DNAH8: variants seen among roughly 807,000 people sequenced by gnomAD.
The protein encoded by DNAH8 is dynein axonemal heavy chain 8, also known as axonemal beta dynein heavy chain 8.
In DNAH8, 382 loss-of-function variants were observed where a neutral mutation model predicts 562.1. The observed-to-expected ratio is 0.68, with a 90% confidence interval of 0.63 to 0.74. The LOEUF (loss-of-function observed/expected upper bound fraction) is 0.74, where lower values mean the gene tolerates loss of function less well. DNAH8 is among the 30% of genes least tolerant of loss of function. The pLI is 0.00. For synonymous variants in DNAH8, 1,881 were observed against 1,919.4 expected (o/e 0.98, Z 0.52); for missense variants, 5,203 against 5,620.4 (o/e 0.93, Z 2.37).
Position 38,826,221 on chromosome 6 carries a change from A to G in DNAH8, c.3913A>G (p.Asn1305Asp), listed in dbSNP as rs754563016. 28 of 1,613,596 alleles carry G rather than the reference A, an allele frequency of 1.7e-5. No individual in the cohort carries two copies. The Admixed American group carries it at 4.7e-4, about 27-fold the overall frequency. ...AWKMLLCRYL[N>D]EEYKKKMSYM... Reference sequence around the variant, plus strand: ...GAAGATGTTACTCTGTCGATATCTGAATGAAGAATACAAAAAGAAAATGTC... The same window carrying G: ...GAAGATGTTACTCTGTCGATATCTGGATGAAGAATACAAAAAGAAAATGTC... Residue 1305 changes from asparagine (N) to aspartate (D), a missense_variant, in exon 29 of 93, where the codon AAT (asparagine) becomes GAT (aspartate). By Grantham distance (23) the Asn-to-Asp change is conservative (BLOSUM62 1). Coordinates refer to ENST00000327475, the MANE Select transcript of DNAH8 (RefSeq NM_001206927.2).
At chr6:39,002,308 A>G (rs1341576062) in intron 88 of DNAH8, among the ~76,000 whole-genome samples, 1 of 152,218 alleles carries the variant, frequency 6.6e-6, no homozygotes, top group African/African-American at 2.4e-5. Flanking sequence ...ACCTAATGCT[A>G]GAGAGAGCTC....
intron 12 of DNAH8, among the ~76,000 whole-genome samples, chr6:38,772,996 T>TTTTTTTTTTTTTTTTTTTTTTGTTG (rs1554205957): frequency 9.1e-6 from 1 of 109,942 alleles, no homozygotes; most frequent in Admixed American, 1.0e-4. Flanking sequence ...TTTTTTTTTT[T>TTTTTTTTTTTTTTTTTTTTTTGTTG]TTGTAGAGAT....
chr6:38,855,349 ACG>A (rs1776114192), intron 41 of DNAH8, among the ~76,000 whole-genome samples: 1 of 152,204 alleles, frequency 6.6e-6, no homozygotes, highest in South Asian at 2.1e-4. Context: ...CACGTTCTGC[ACG>A]TGTATTCCGA....
intron 53 of DNAH8, among the ~76,000 whole-genome samples, chr6:38,880,844 A>G (rs112932893): frequency 0.12 from 18,539 of 152,196 alleles, 1,401 homozygotes; most frequent in Admixed American, 0.21. Flanking sequence ...CCTGGCCAAC[A>G]TGGTGAAACC....
chr6:38,715,963 T>A (rs866345032), intron 1 of DNAH8, among the ~76,000 whole-genome samples: 352 of 58,024 alleles, frequency 6.1e-3, no homozygotes, highest in Non-Finnish European at 9.8e-3. Context: ...TATATATATT[T>A]TTTTTTTTTT....
At chr6:38,730,263 C>T (rs1014010425) in intron 4 of DNAH8, among the ~76,000 whole-genome samples, 13 of 152,066 alleles carry the variant, frequency 8.5e-5, no homozygotes, top group East Asian at 1.9e-4. Flanking sequence ...GCATTTTCCC[C>T]GAAACAGGTG....
intron 10 of DNAH8, among the ~76,000 whole-genome samples, chr6:38,756,382 T>C (rs1423415318): frequency 6.6e-6 from 1 of 152,190 alleles, no homozygotes; most frequent in East Asian, 1.9e-4. Flanking sequence ...TGTCTACTAT[T>C]AACAGTGCTT....
At position 38,982,442 on chromosome 6, in the gene DNAH8, G is replaced by A; in HGVS notation, c.12931G>A (p.Asp4311Asn). The change falls in exon 86 of 93, where the codon GAT becomes AAT. Residue 4311 changes from aspartate to asparagine, a missense_variant. Around this residue, in one of 6 missense-constraint regions of DNAH8, gnomAD observed 1,399 missense variants for 1,518.4 expected, o/e 0.92. Coordinates refer to ENST00000327475, the MANE Select transcript of DNAH8 (RefSeq NM_001206927.2). ...ASVQFIQNHL[D>N]ECDIKKGVSW... Reference sequence around the variant, plus strand: ...TGTTCAGTTTATTCAGAATCACCTTGATGAATGCGATATTAAGAAAGTGAG... The same window carrying A: ...TGTTCAGTTTATTCAGAATCACCTTAATGAATGCGATATTAAGAAAGTGAG... The A allele has an allele frequency of 6.5e-7, 1 of 1,538,552 alleles. No homozygotes were observed. The highest frequency in any genetic ancestry group is 9.0e-7 in the Non-Finnish European group (1 of 1,111,710).
At chr6:38,744,830 T>C (rs527958205) in intron 8 of DNAH8, among the ~76,000 whole-genome samples, 1 of 152,310 alleles carries the variant, frequency 6.6e-6, no homozygotes, top group East Asian at 1.9e-4. Context: ...ACTCCTGGGC[T>C]CAAGGAATCC....
intron 74 of DNAH8, 149 bp from the exon 75 acceptor site, chr6:38,929,362 T>C: frequency 1.3e-6 from 1 of 741,414 alleles, no homozygotes; most frequent in Non-Finnish European, 2.0e-6. Context: ...TAGAAATTAA[T>C]TTTTGTATGT....
chr6:38,927,727 G>A (rs1379656096), intron 74 of DNAH8, among the ~76,000 whole-genome samples: 1 of 152,034 alleles, frequency 6.6e-6, no homozygotes, highest in Non-Finnish European at 1.5e-5. Flanking sequence ...TGTATCACTT[G>A]GACATGAATG....
At chr6:38,909,797 A>T in intron 65 of DNAH8, 53 bp downstream of exon 65, 3 of 1,362,098 alleles carry the variant, frequency 2.2e-6, no homozygotes, top group Non-Finnish European at 3.1e-6. Context: ...ATGTATTCCC[A>T]AGAGGAATGC....
chr6:38,734,413 T>C, intron 4 of DNAH8, 61 bp from the exon 5 acceptor site: 2 of 1,544,278 alleles, frequency 1.3e-6, no homozygotes, highest in South Asian at 2.3e-5. Flanking sequence ...AGAGCCACAG[T>C]AACTTATCTC....
At chr6:38,768,570 A>G (rs1231380138) in intron 11 of DNAH8, among the ~76,000 whole-genome samples, 1 of 140,086 alleles carries the variant, frequency 7.1e-6, no homozygotes, top group Non-Finnish European at 1.5e-5. Context: ...CGGCCTGTTT[A>G]TTAAAAAAAA....
rs56246807 is a variant in DNAH8 at position 38,738,257 on chromosome 6, A to G, written c.1116+285A>G. ...GAATAGCCAACATTTATCCCCAATA[A>G]TGTTTAAATTGTTGATACTCTCCAT... On this transcript the variant is annotated intron_variant, in intron 7 of 92. Transcript: ENST00000327475. Among the ~76,000 whole-genome samples, 28,156 of 152,170 alleles carry G rather than the reference A, an allele frequency of 0.19. 3,393 individuals carry two copies. Among genetic ancestry groups the G allele is most frequent in the Non-Finnish European group, 0.27 (18,546 of 67,988 alleles).
intron 91 of DNAH8, among the ~76,000 whole-genome samples, chr6:39,017,086 A>G (rs1766618298): frequency 6.6e-6 from 1 of 152,210 alleles, no homozygotes; most frequent in Admixed American, 6.5e-5. Flanking sequence ...TGACCCTGTG[A>G]TAGTTTTTTC....
intron 76 of DNAH8, among the ~76,000 whole-genome samples, chr6:38,933,195 A>G (rs1782692506): frequency 6.6e-6 from 1 of 152,076 alleles, no homozygotes; most frequent in African/African-American, 2.4e-5. Context: ...TCCCCCATGC[A>G]GGCTGCACTA....
intron 58 of DNAH8, among the ~76,000 whole-genome samples, chr6:38,892,785 A>C (rs1253257320): frequency 6.6e-6 from 1 of 152,186 alleles, no homozygotes; most frequent in Non-Finnish European, 1.5e-5. Context: ...CAATGTCAGC[A>C]GACTCCGCTT....
At chr6:38,937,037 A>G (rs993259720) in intron 77 of DNAH8, among the ~76,000 whole-genome samples, 1 of 152,194 alleles carries the variant, frequency 6.6e-6, no homozygotes, top group Non-Finnish European at 1.5e-5. Flanking sequence ...AAAAAGGATG[A>G]GTTCATGTCC....
Sources: gnomAD v4.1 joint callset for allele counts (sites outside exome capture counted in the v4.1 genomes callset) on GRCh38, gnomAD v4.1.1 for gene constraint, gnomAD v4.1.1 regional missense constraint, MANE v1.5 for transcripts, NCBI Gene and HGNC (gene_info 2026-07-23, HGNC 2026-07-21) for gene names.